EPHA5: variants seen among roughly 807,000 people sequenced by gnomAD.
EPHA5 encodes the protein ephrin type-A receptor 5.
Under a neutral mutation model 105.0 loss-of-function variants are expected in EPHA5, and 60 were observed. The ratio of observed to expected loss-of-function variants is 0.57; its 90% CI spans 0.46 to 0.71. The LOEUF (loss-of-function observed/expected upper bound fraction) is 0.71, where lower values mean the gene tolerates loss of function less well. Among genes scored for constraint, EPHA5 ranks in the 30% least tolerant of loss-of-function variants. EPHA5 has a pLI of 0.00. For synonymous variants in EPHA5, 513 were observed against 449.1 expected (o/e 1.14, Z -1.80); for missense variants, 1,218 against 1,274.7 (o/e 0.96, Z 0.68).
At chr4:65,668,849 T>C (rs1381962455) in intron 1 of EPHA5, among the ~76,000 whole-genome samples, 3 of 151,710 alleles carry the variant, frequency 2.0e-5, no homozygotes, top group African/African-American at 7.3e-5. Flanking sequence ...ACACTCCCCC[T>C]CACCCCTCCT....
At chr4:65,337,786 T>C (rs1309836488) in intron 14 of EPHA5, among the ~76,000 whole-genome samples, 1 of 152,036 alleles carries the variant, frequency 6.6e-6, no homozygotes, top group Non-Finnish European at 1.5e-5. Context: ...TGGCCACAGC[T>C]GATGTAGTTT....
intron 8 of EPHA5, among the ~76,000 whole-genome samples, chr4:65,377,391 C>T (rs996473969): frequency 3.3e-5 from 5 of 151,932 alleles, no homozygotes; most frequent in African/African-American, 1.2e-4. Context: ...TCTAATATAT[C>T]TCTCCTCAGA....
intron 8 of EPHA5, 40 bp from the exon 9 acceptor site, chr4:65,367,464 G>T: frequency 6.3e-7 from 1 of 1,584,794 alleles, no homozygotes; most frequent in Non-Finnish European, 8.6e-7. Context: ...ATCTGAAAGT[G>T]GTGAATCAGT....
At chr4:65,522,316 G>GTATATATATATA (rs58851174) in intron 3 of EPHA5, among the ~76,000 whole-genome samples, 3 of 142,860 alleles carry the variant, frequency 2.1e-5, no homozygotes, top group African/African-American at 8.0e-5. Flanking sequence ...ATATATATAT[G>GTATATATATATA]TATATATATA....
chr4:65,445,893 C>T (rs1726472326), intron 5 of EPHA5, among the ~76,000 whole-genome samples: 2 of 152,054 alleles, frequency 1.3e-5, no homozygotes, highest in African/African-American at 4.8e-5. Context: ...GGATGGCGTG[C>T]TTCTTAAATA....
chr4:65,628,027 T>C (rs1402630144), intron 2 of EPHA5, among the ~76,000 whole-genome samples: 1 of 152,140 alleles, frequency 6.6e-6, no homozygotes, highest in African/African-American at 2.4e-5. Context: ...AAGTTGTCAG[T>C]ATTATTTGCT....
intron 2 of EPHA5, among the ~76,000 whole-genome samples, chr4:65,616,907 GC>G (rs1361538932): frequency 1.3e-5 from 2 of 151,998 alleles, no homozygotes; most frequent in African/African-American, 4.8e-5. Context: ...TTATCTATTT[GC>G]AAGATATTAA....
chr4:65,395,714 C>T (rs1721161667), intron 8 of EPHA5, among the ~76,000 whole-genome samples: 2 of 152,198 alleles, frequency 1.3e-5, no homozygotes, highest in Admixed American at 1.3e-4. Context: ...ATGATTTGAA[C>T]ATGATCATGA....
chr4:65,439,947 A>G (rs921434235), intron 5 of EPHA5, among the ~76,000 whole-genome samples: 1 of 152,152 alleles, frequency 6.6e-6, no homozygotes. Context: ...CATGTTAATT[A>G]TGTGGTATTT....
rs1209760108 is a variant in EPHA5, at chr4:65,321,281, C to G, written c.*2833G>C. ...ATGTCTGTGCTTTATTTTTGGTAGTCTGGTGGGTGACAAAATGAATCAACA... is the reference window on the plus strand; with the variant it reads ...ATGTCTGTGCTTTATTTTTGGTAGTGTGGTGGGTGACAAAATGAATCAACA... On this transcript the variant is annotated 3_prime_UTR_variant, in exon 17 of 17. Coordinates refer to ENST00000613740, the MANE Select transcript of EPHA5 (RefSeq NM_001281766.3). 4.3e-6 allele frequency: 1 copy of G among 229,946 alleles called. No individual in the cohort carries two copies. Among genetic ancestry groups the G allele is most frequent in the Non-Finnish European group, 8.6e-6 (1 of 116,134 alleles). The allele number at this position is 229,946 out of a possible 1,614,324, so 14.2% of individuals were successfully genotyped here. A position where few individuals can be genotyped will look rare whatever the true frequency, so the allele number is the denominator to read the frequency against.
At chr4:65,565,110 A>G (rs1468336489) in intron 3 of EPHA5, among the ~76,000 whole-genome samples, 1 of 151,724 alleles carries the variant, frequency 6.6e-6, no homozygotes, top group Non-Finnish European at 1.5e-5. Flanking sequence ...ATTGCAATGT[A>G]AGGACACCTC....
intron 5 of EPHA5, among the ~76,000 whole-genome samples, chr4:65,479,549 T>C (rs1349282163): frequency 6.6e-6 from 1 of 152,202 alleles, no homozygotes; most frequent in African/African-American, 2.4e-5. Context: ...AGTGTTATTG[T>C]TTTTGTTTCC....
chr4:65,510,555 G>A (rs891603174), intron 3 of EPHA5, among the ~76,000 whole-genome samples: 11 of 152,162 alleles, frequency 7.2e-5, no homozygotes, highest in East Asian at 1.9e-4. Flanking sequence ...TCATAAAATA[G>A]CACCTCTTTT....
intron 8 of EPHA5, among the ~76,000 whole-genome samples, chr4:65,377,258 T>C (rs745728531): frequency 6.6e-6 from 1 of 152,038 alleles, no homozygotes; most frequent in Non-Finnish European, 1.5e-5. Flanking sequence ...AATATAGAGT[T>C]GTAGTAAATT....
intron 3 of EPHA5, among the ~76,000 whole-genome samples, chr4:65,524,608 C>T (rs1371108796): frequency 1.3e-5 from 2 of 151,578 alleles, no homozygotes; most frequent in African/African-American, 2.4e-5. Context: ...TAAATAACTC[C>T]TAGAGAAAGG....
intron 3 of EPHA5, among the ~76,000 whole-genome samples, chr4:65,577,359 T>C (rs949407007): frequency 6.6e-6 from 1 of 152,158 alleles, no homozygotes; most frequent in African/African-American, 2.4e-5. Context: ...TCCAGGTGAT[T>C]ATTAGGCATT....
At chr4:65,592,014 A>C (rs1742710671) in intron 3 of EPHA5, among the ~76,000 whole-genome samples, 1 of 152,250 alleles carries the variant, frequency 6.6e-6, no homozygotes, top group East Asian at 1.9e-4. Context: ...ATCAGTCCAC[A>C]GTAATTTTTT....
At chr4:65,549,371 A>T (rs1033304714) in intron 3 of EPHA5, among the ~76,000 whole-genome samples, 2 of 152,162 alleles carry the variant, frequency 1.3e-5, no homozygotes, top group Non-Finnish European at 2.9e-5. Context: ...AAATGATTAT[A>T]AATGGAAGGG....
chr4:65,399,953 T>G (rs1341012195), intron 8 of EPHA5, among the ~76,000 whole-genome samples: 1 of 152,202 alleles, frequency 6.6e-6, no homozygotes, highest in Non-Finnish European at 1.5e-5. Flanking sequence ...AAGCTTTTCA[T>G]CAGCCTCTGA....
Sources: gnomAD v4.1 joint callset for allele counts (sites outside exome capture counted in the v4.1 genomes callset) on GRCh38, gnomAD v4.1.1 for gene constraint, MANE v1.5 for transcripts, NCBI Gene and HGNC (gene_info 2026-07-23, HGNC 2026-07-21) for gene names.